The following HMCES variants were observed in gnomAD, a reference collection of about 807,000 sequenced individuals.
HMCES encodes abasic site processing protein HMCES.
HMCES carries 27 observed loss-of-function variants against 35.1 expected under a neutral mutation model. The ratio of observed to expected loss-of-function variants is 0.77; its 90% CI spans 0.57 to 1.06. The LOEUF (loss-of-function observed/expected upper bound fraction) is 1.06, where lower values mean the gene tolerates loss of function less well. Ranked by LOEUF, HMCES falls within the 50% of genes least tolerant of loss-of-function variation. The probability of loss-of-function intolerance (pLI) is 0.00; values close to 1 mark genes in which losing one functional copy is unlikely to be tolerated. For synonymous variants in HMCES, 130 were observed against 154.7 expected (o/e 0.84, Z 1.18); for missense variants, 391 against 430.4 (o/e 0.91, Z 0.81).
intron 2 of HMCES, among the ~76,000 whole-genome samples, chr3:129,282,043 TG>T (rs1301027265): frequency 2.6e-5 from 4 of 152,180 alleles, no homozygotes; most frequent in Non-Finnish European, 5.9e-5. Flanking sequence ...TGAAACTTTT[TG>T]TTTTAAATGA....
chr3:129,300,783 C>CT (rs2071153319), intron 5 of HMCES, among the ~76,000 whole-genome samples: 1 of 152,076 alleles, frequency 6.6e-6, no homozygotes, highest in Admixed American at 6.6e-5. Flanking sequence ...GTAATCCCAG[C>CT]ACTTTGGGAG....
chr3:129,293,202 TTTTG>T (rs751149607), intron 4 of HMCES, among the ~76,000 whole-genome samples: 22 of 152,194 alleles, frequency 1.4e-4, no homozygotes, highest in African/African-American at 3.6e-4. Context: ...TCATTGGTGT[TTTTG>T]TTTGTTTGTT....
chr3:129,294,386 G>C (rs1337362673), intron 4 of HMCES, among the ~76,000 whole-genome samples: 1 of 152,144 alleles, frequency 6.6e-6, no homozygotes, highest in Non-Finnish European at 1.5e-5. Context: ...TTGCGCCACT[G>C]TGCTCCAGCC....
intron 4 of HMCES, among the ~76,000 whole-genome samples, chr3:129,295,730 A>G (rs2107694570): frequency 6.6e-6 from 1 of 152,296 alleles, no homozygotes; most frequent in South Asian, 2.1e-4. Context: ...TATGTAATGC[A>G]TAAATGTGTG....
At chr3:129,301,410 T>G (rs2071167595) in intron 5 of HMCES, among the ~76,000 whole-genome samples, 1 of 142,516 alleles carries the variant, frequency 7.0e-6, no homozygotes, top group Non-Finnish European at 1.5e-5. Flanking sequence ...GAATCAACTG[T>G]ACCACCCAAA....
chr3:129,303,693 G>A (rs866273556), intron 6 of HMCES, among the ~76,000 whole-genome samples: 3 of 150,930 alleles, frequency 2.0e-5, no homozygotes, highest in Admixed American at 2.0e-4. Context: ...TGCTCAACCT[G>A]TATTCATTTT....
rs1318016329 is a variant in HMCES at position 129,279,825 on chromosome 3, G to T, written c.93G>T (p.Glu31Asp). The T allele has an allele frequency of 3.1e-6, 5 of 1,613,736 alleles. No homozygotes were observed. The Admixed American group carries it at 6.7e-5, about 22-fold the overall frequency. ...QDRRGQQRLP[E>D]WRDPDKYCPS... ...GGCGGGGCCAGCAGCGGCTCCCGGA[G>T]TGGAGGGACCCTGATAAGTACTGCC... The change falls in exon 2 of 7, where the codon GAG becomes GAT. Residue 31 changes from glutamate (E) to aspartate (D), a missense_variant. Physicochemically the swap from Glu to Asp is conservative, Grantham distance 45 (BLOSUM62 2). Transcript: ENST00000383463. This position sits in a 1 kb window ranked among gnomAD's most constrained non-coding sequence, Gnocchi z 4.2.
chr3:129,280,951 C>T (rs1481213997), intron 2 of HMCES, among the ~76,000 whole-genome samples: 6 of 152,138 alleles, frequency 3.9e-5, no homozygotes, highest in Non-Finnish European at 5.9e-5. Flanking sequence ...TGGCTGGGCA[C>T]GGTGGCCCAC....
chr3:129,291,159 A>AG (rs1372231925), intron 4 of HMCES, among the ~76,000 whole-genome samples: 4 of 152,152 alleles, frequency 2.6e-5, no homozygotes, highest in Non-Finnish European at 2.9e-5. Context: ...CTATGATCAC[A>AG]CCACTGCACT....
At chr3:129,282,099 AAG>A (rs999526575) in intron 2 of HMCES, among the ~76,000 whole-genome samples, 16 of 152,100 alleles carry the variant, frequency 1.1e-4, no homozygotes, top group Non-Finnish European at 2.2e-4. Context: ...TGAAGGGGAA[AAG>A]AGAGCATAAA....
intron 4 of HMCES, among the ~76,000 whole-genome samples, chr3:129,295,689 A>C (rs564226690): frequency 6.6e-6 from 1 of 152,260 alleles, no homozygotes; most frequent in African/African-American, 2.4e-5. Context: ...TTTTTTGAGA[A>C]GTCTAGTGTA....
Position 129,304,605 on chromosome 3 carries a change from G to C in HMCES, c.845G>C (p.Gly282Ala). 1 of 1,614,116 alleles carries C rather than the reference G, an allele frequency of 6.2e-7. No homozygotes were observed. Among genetic ancestry groups the C allele is most frequent in the South Asian group, 1.1e-5 (1 of 91,078 alleles). The change falls in exon 7 of 7, where the codon GGC becomes GCC. Residue 282 changes from glycine (G) to alanine (A), a missense_variant. By Grantham distance (60) the Gly-to-Ala change is moderately conservative. Transcript: ENST00000383463. ...TTCTTGTAGGAGCTCAGGGCAAGTGGCAGTAGCCAGAGGATGTTGCAGTGG... is the reference window on the plus strand; with the variant it reads ...TTCTTGTAGGAGCTCAGGGCAAGTGCCAGTAGCCAGAGGATGTTGCAGTGG... ...LVVKKELRAS[G>A]SSQRMLQWLA... is the part of the protein sequence containing the mutation.
At chr3:129,289,761 A>G (rs1206125720) in intron 3 of HMCES, among the ~76,000 whole-genome samples, 3 of 152,182 alleles carry the variant, frequency 2.0e-5, no homozygotes, top group Non-Finnish European at 4.4e-5. Flanking sequence ...ACTGGGAAGC[A>G]TGCTTCATTG....
intron 5 of HMCES, among the ~76,000 whole-genome samples, chr3:129,300,089 G>A (rs1213478824): frequency 1.3e-5 from 2 of 151,032 alleles, no homozygotes; most frequent in Admixed American, 1.3e-4. Flanking sequence ...TATTTAAAAT[G>A]TCTCCATTCA....
In HMCES at chr3:129,278,908, G is replaced by C. The variant is rs1940363963; in HGVS notation, c.-24+3G>C. On this transcript the variant is annotated splice_donor_region_variant and intron_variant, in intron 1 of 6. Transcript: ENST00000383463. ...GTGACGCGCGCTGCCGGGGCGAGGT[G>C]AGGGGAGGGGAGGCGACGCGGGCGG... 1 of 152,296 alleles carries C rather than the reference G, an allele frequency of 6.6e-6. No homozygotes were observed. Among genetic ancestry groups the C allele is most frequent in the African/African-American group, 2.4e-5 (1 of 41,284 alleles). The allele number at this position is 152,296 out of a possible 1,614,324, so 9.4% of individuals were successfully genotyped here.
Position 129,286,979 on chromosome 3 carries a change from T to A in HMCES, c.184-1875T>A, listed in dbSNP as rs114674140. Among the ~76,000 whole-genome samples the A allele has an allele frequency of 5.9e-3, 900 of 152,308 alleles. 4 individuals carry two copies. The highest frequency in any genetic ancestry group is 0.01 in the Admixed American group (156 of 15,284). ...CAAGACTGCCCCCATATTTAGAGATTCATTAGAAGGGCTAAGCATATAAGG... is the reference window on the plus strand; with the variant it reads ...CAAGACTGCCCCCATATTTAGAGATACATTAGAAGGGCTAAGCATATAAGG... On this transcript the variant is annotated intron_variant, in intron 2 of 6. Transcript: ENST00000383463.
chr3:129,288,817 A>G, intron 2 of HMCES, 37 bp from the exon 3 acceptor site: 4 of 1,402,664 alleles, frequency 2.9e-6, no homozygotes, highest in Non-Finnish European at 2.9e-6. Flanking sequence ...TTAGAATTTC[A>G]TTATGATCTC....
chr3:129,289,969 C>T (rs1170771511), intron 3 of HMCES, among the ~76,000 whole-genome samples: 10 of 151,994 alleles, frequency 6.6e-5, no homozygotes, highest in African/African-American at 2.2e-4. Context: ...GGGCGGATCA[C>T]GAGGTCAGGA....
chr3:129,286,301 C>A (rs570509280), intron 2 of HMCES, among the ~76,000 whole-genome samples: 1 of 152,276 alleles, frequency 6.6e-6, no homozygotes, highest in East Asian at 1.9e-4. Context: ...ATAAAAGACA[C>A]CCCAGAGATA....
Sources: gnomAD v4.1 joint callset for allele counts (sites outside exome capture counted in the v4.1 genomes callset) on GRCh38, gnomAD v4.1.1 for gene constraint, Gnocchi (gnomAD v3.1) non-coding constraint, MANE v1.5 for transcripts, NCBI Gene and HGNC (gene_info 2026-07-23, HGNC 2026-07-21) for gene names.